Variants in LDLRAD3 observed in about 807,000 individuals in gnomAD.
LDLRAD3 encodes low-density lipoprotein receptor class A domain-containing protein 3.
A neutral mutation model predicts 29.4 loss-of-function variants in LDLRAD3; 20 were observed. The ratio of observed to expected loss-of-function variants is 0.68; its 90% CI spans 0.48 to 0.99. The LOEUF is 0.99. Among genes scored for constraint, LDLRAD3 ranks in the 50% least tolerant of loss-of-function variants. The probability of loss-of-function intolerance (pLI) is 0.00; values close to 1 mark genes in which losing one functional copy is unlikely to be tolerated. For synonymous variants in LDLRAD3, 157 were observed against 192.7 expected (o/e 0.81, Z 1.53); for missense variants, 420 against 454.3 (o/e 0.92, Z 0.69).
chr11:36,133,683 G>T (rs1271400219), intron 4 of LDLRAD3, among the ~76,000 whole-genome samples: 1 of 150,834 alleles, frequency 6.6e-6, no homozygotes, highest in Non-Finnish European at 1.5e-5. Context: ...ACAGGCGCCT[G>T]CCACCACGCC....
At position 36,098,432 on chromosome 11, in the gene LDLRAD3, G is replaced by A; in HGVS notation, c.425G>A (p.Ser142Asn). 1 of 1,614,230 alleles carries A rather than the reference G, an allele frequency of 6.2e-7. No individual in the cohort carries two copies. Among genetic ancestry groups the A allele is most frequent in the South Asian group, 1.1e-5 (1 of 91,088 alleles). The stretch of plus-strand genomic sequence containing the variant: ...GGACAGAATAACTGTCAAGACAACA[G>A]TGATGAGGAAAGCTGTGAAAGTTCT... ...CDGQNNCQDN[S>N]DEESCESSQE... Residue 142 changes from serine to asparagine, a missense_variant, in exon 4 of 6, where the codon AGT becomes AAT. Around this residue, in one of 3 missense-constraint regions of LDLRAD3, gnomAD observed 224 missense variants for 222.2 expected, o/e 1.01. Coordinates refer to ENST00000315571, the MANE Select transcript of LDLRAD3 (RefSeq NM_174902.4).
intron 2 of LDLRAD3, among the ~76,000 whole-genome samples, chr11:36,038,539 G>T (rs960879606): frequency 1.3e-5 from 2 of 152,208 alleles, no homozygotes; most frequent in Non-Finnish European, 2.9e-5. Flanking sequence ...AATAGCAGCT[G>T]TGTGATATTA....
At chr11:36,094,239 G>A (rs1853325241) in intron 3 of LDLRAD3, among the ~76,000 whole-genome samples, 1 of 152,174 alleles carries the variant, frequency 6.6e-6, no homozygotes, top group Non-Finnish European at 1.5e-5. Context: ...CCAGTTCATT[G>A]ATTTTTCACT....
intron 4 of LDLRAD3, among the ~76,000 whole-genome samples, chr11:36,130,444 G>A (rs961770588): frequency 2.6e-5 from 4 of 152,162 alleles, no homozygotes; most frequent in African/African-American, 7.2e-5. Flanking sequence ...TCAGGACAGC[G>A]TGAGGCCATC....
intron 4 of LDLRAD3, among the ~76,000 whole-genome samples, chr11:36,131,529 T>G: frequency 6.6e-6 from 1 of 152,346 alleles, no homozygotes. Context: ...ATTATTGTAT[T>G]TATTTCTTAG....
intron 4 of LDLRAD3, among the ~76,000 whole-genome samples, chr11:36,223,012 C>A (rs1008580720): frequency 6.6e-6 from 1 of 152,190 alleles, no homozygotes; most frequent in Admixed American, 6.5e-5. Flanking sequence ...ATGGAAACTT[C>A]ATTATCCATG....
At chr11:35,952,033 G>A (rs1752254575) in intron 1 of LDLRAD3, among the ~76,000 whole-genome samples, 3 of 152,202 alleles carry the variant, frequency 2.0e-5, no homozygotes, top group African/African-American at 7.2e-5. Flanking sequence ...CAGCTTTCTG[G>A]TGTGTGTACA....
chr11:36,216,377 G>A (rs900370719), intron 4 of LDLRAD3, among the ~76,000 whole-genome samples: 4 of 152,228 alleles, frequency 2.6e-5, no homozygotes, highest in African/African-American at 4.8e-5. Flanking sequence ...ATCCTTTCAT[G>A]AAGAGTCACA....
At chr11:36,200,701 T>A (rs1248433266) in intron 4 of LDLRAD3, among the ~76,000 whole-genome samples, 1 of 152,234 alleles carries the variant, frequency 6.6e-6, no homozygotes, top group East Asian at 1.9e-4. Context: ...AGGAGCATAC[T>A]TAATTTCTCT....
At position 36,154,216 on chromosome 11, in the gene LDLRAD3, CTGAAAGTA is replaced by C. The variant is rs2133330639; in HGVS notation, c.454+55756_454+55763del. 2.0e-5 allele frequency among the ~76,000 whole-genome samples: 3 copies of C among 152,282 alleles called. No individual in the cohort carries two copies. The East Asian group carries it at 5.8e-4, about 29-fold the overall frequency. On this transcript the variant is annotated intron_variant, in intron 4 of 5. Coordinates refer to ENST00000315571, the MANE Select transcript of LDLRAD3 (RefSeq NM_174902.4). The stretch of plus-strand genomic sequence containing the variant: ...TTGAGCTCAGAGAATGCCACACCGA[CTGAAAGTA>C]AGTCACACCTTTAAACATCTGGGGG...
At position 36,004,940 on chromosome 11, in the gene LDLRAD3, G is replaced by A. The variant is rs113982920; in HGVS notation, c.47-31163G>A. Among the ~76,000 whole-genome samples the A allele has an allele frequency of 2.8e-3, 427 of 152,260 alleles. 3 individuals are homozygous for A. The highest frequency in any genetic ancestry group is 1.0e-2 in the African/African-American group (415 of 41,560). The stretch of plus-strand genomic sequence containing the variant: ...GAGTGGCTAGGACACAGGGCACCAT[G>A]TCCCAAGGCTGCAGAGAGCAACTGG... On this transcript the variant is annotated intron_variant, in intron 1 of 5. Coordinates refer to ENST00000315571, the MANE Select transcript of LDLRAD3 (RefSeq NM_174902.4).
chr11:36,148,535 A>G (rs1166923046), intron 4 of LDLRAD3, among the ~76,000 whole-genome samples: 2 of 152,174 alleles, frequency 1.3e-5, no homozygotes, highest in Non-Finnish European at 2.9e-5. Context: ...CAGTAGAACT[A>G]GAAGGGAATG....
chr11:36,099,156 T>C (rs1853409423), intron 4 of LDLRAD3, among the ~76,000 whole-genome samples: 1 of 152,204 alleles, frequency 6.6e-6, no homozygotes, highest in Non-Finnish European at 1.5e-5. Flanking sequence ...GTCTGGGCTA[T>C]TGATTTTGGG....
chr11:36,215,404 A>T (rs909018718), intron 4 of LDLRAD3, among the ~76,000 whole-genome samples: 2 of 152,210 alleles, frequency 1.3e-5, no homozygotes, highest in African/African-American at 4.8e-5. Context: ...TGGAAAAGAC[A>T]CTACGGGGAG....
chr11:36,221,351 G>C (rs369298436), intron 4 of LDLRAD3, among the ~76,000 whole-genome samples: 57 of 145,452 alleles, frequency 3.9e-4, no homozygotes, highest in African/African-American at 1.4e-3. Context: ...CTGGGAGACA[G>C]AGTGAGACTC....
chr11:36,049,572 C>T (rs910202666), intron 2 of LDLRAD3, among the ~76,000 whole-genome samples: 1 of 152,114 alleles, frequency 6.6e-6, no homozygotes, highest in Non-Finnish European at 1.5e-5. Flanking sequence ...TAGCTTTTGA[C>T]ATGGTTAATG....
intron 1 of LDLRAD3, among the ~76,000 whole-genome samples, chr11:36,021,722 A>G (rs1590210650): frequency 1.3e-5 from 2 of 152,126 alleles, no homozygotes; most frequent in African/African-American, 2.4e-5. Context: ...GCTCACTGCA[A>G]CCTCTGCCTG....
intron 1 of LDLRAD3, among the ~76,000 whole-genome samples, chr11:36,000,833 T>C (rs1590198165): frequency 6.6e-6 from 1 of 151,944 alleles, no homozygotes; most frequent in East Asian, 1.9e-4. Flanking sequence ...GGAGGCTGGA[T>C]AGGAGGCTGC....
chr11:36,106,868 C>T (rs368670635), intron 4 of LDLRAD3, among the ~76,000 whole-genome samples: 6 of 152,198 alleles, frequency 3.9e-5, no homozygotes, highest in East Asian at 3.8e-4. Context: ...CCCGTGGATG[C>T]GGGGCTTGCT....
Sources: gnomAD v4.1 joint callset for allele counts (sites outside exome capture counted in the v4.1 genomes callset) on GRCh38, gnomAD v4.1.1 for gene constraint, gnomAD v4.1.1 regional missense constraint, MANE v1.5 for transcripts, NCBI Gene and HGNC (gene_info 2026-07-23, HGNC 2026-07-21) for gene names.